GBP2: variants seen among roughly 807,000 people sequenced by gnomAD.
GBP2 encodes guanylate binding protein 2.
Under a neutral mutation model 60.8 loss-of-function variants are expected in GBP2, and 54 were observed. That is an observed-to-expected ratio of 0.89 (90% CI 0.71 to 1.11). GBP2 has a LOEUF of 1.11. Among genes scored for constraint, GBP2 ranks in the 50% most tolerant of loss-of-function variants. The pLI, the probability that GBP2 is intolerant of heterozygous loss-of-function variation, is 0.00. For missense variants in GBP2, 665 were observed against 703.3 expected (o/e 0.95, Z 0.62); for synonymous variants, 243 against 256.5 (o/e 0.95, Z 0.50).
Position 89,121,288 on chromosome 1 carries a change from A to G in GBP2, c.191-18T>C, listed in dbSNP as rs765264183. The G allele has an allele frequency of 8.2e-6, 13 of 1,579,560 alleles. No homozygotes were observed. The South Asian group carries it at 1.3e-4, about 16-fold the overall frequency. Reference sequence around the variant, plus strand: ...AGAGAAGCCTGTAGAAGGAGAGGATAAAAGGGAAAAGAAATTACTTAGTAG... The same window carrying G: ...AGAGAAGCCTGTAGAAGGAGAGGATGAAAGGGAAAAGAAATTACTTAGTAG... On this transcript the variant is annotated intron_variant, in intron 2 of 10. Coordinates refer to ENST00000370466, the MANE Select transcript of GBP2 (RefSeq NM_004120.5).
rs143535292 is a variant in GBP2, at chr1:89,106,486, G to C, written c.*1689C>G. 1 of 152,130 alleles carries C rather than the reference G, an allele frequency of 6.6e-6. No homozygotes were observed. The highest frequency in any genetic ancestry group is 2.4e-5 in the African/African-American group (1 of 41,410). The allele number at this position is 152,130 out of a possible 1,614,324, so 9.4% of individuals were successfully genotyped here. A position where few individuals can be genotyped will look rare whatever the true frequency, so the allele number is the denominator to read the frequency against. ...ATAACTTAAAGAATATTAACAAAGT[G>C]CATGACATGAAACAACAGTGGAAAG... On this transcript the variant is annotated 3_prime_UTR_variant, in exon 11 of 11. Transcript: ENST00000370466.
At chr1:89,111,639 G>A (rs1376368837) in intron 8 of GBP2, among the ~76,000 whole-genome samples, 1 of 150,350 alleles carries the variant, frequency 6.7e-6, no homozygotes, top group Non-Finnish European at 1.5e-5. Flanking sequence ...ATGGGGTGGT[G>A]GGGGGAGGGA....
chr1:89,114,162 G>A lies in GBP2; in HGVS notation c.1003C>T (p.Gln335Ter). Residue 335 changes from glutamine (Q) to a stop codon, truncating the protein, a stop_gained, in exon 7 of 11, where the codon CAG (glutamine) becomes TAG (stop). Coordinates refer to ENST00000370466, the MANE Select transcript of GBP2 (RefSeq NM_004120.5). LOFTEE classifies it high-confidence loss of function. ...AVEKAIAHYE[Q>*]QMGQKVQLPT... The stretch of plus-strand genomic sequence containing the variant: ...AGCTGCACCTTCTGGCCCATCTGCT[G>A]TTCATAGTGGGCAATAGCCTTTTCC... The A allele has an allele frequency of 6.2e-7, 1 of 1,614,240 alleles. No individual in the cohort carries two copies. Among genetic ancestry groups the A allele is most frequent in the Non-Finnish European group, 8.5e-7 (1 of 1,180,040 alleles).
chr1:89,120,090 G>C (rs1681368880), intron 4 of GBP2, 89 bp downstream of exon 4: 1 of 872,050 alleles, frequency 1.1e-6, no homozygotes, highest in South Asian at 1.4e-5. Context: ...GAATTCTTCA[G>C]TACCTGTCTG....
At position 89,106,511 on chromosome 1, in the gene GBP2, G is replaced by A. The variant is rs1243772568; in HGVS notation, c.*1664C>T. 7 of 152,182 alleles carry A rather than the reference G, an allele frequency of 4.6e-5. No homozygotes were observed. Among genetic ancestry groups the A allele is most frequent in the Non-Finnish European group, 7.4e-5 (5 of 68,018 alleles). 9.4% of individuals were successfully genotyped at this position (152,182 alleles called of 1,614,324 possible). ...GCATGACATGAAACAACAGTGGAAA[G>A]ATTAAAACAACATTGAAAAATAATG... is the stretch of plus-strand genomic sequence containing the variant. On this transcript the variant is annotated 3_prime_UTR_variant, in exon 11 of 11. Transcript: ENST00000370466.
At chr1:89,111,041 A>G (rs1681155759) in intron 8 of GBP2, among the ~76,000 whole-genome samples, 1 of 152,234 alleles carries the variant, frequency 6.6e-6, no homozygotes, top group South Asian at 2.1e-4. Context: ...TATCAACAGA[A>G]TGGACAAAAA....
In GBP2 at chr1:89,116,951, G is replaced by T. The variant is rs762855111; in HGVS notation, c.868+41C>A. 7 of 1,607,884 alleles carry T rather than the reference G, an allele frequency of 4.4e-6. No homozygotes were observed. The African/African-American group carries it at 9.4e-5, about 22-fold the overall frequency. On this transcript the variant is annotated intron_variant, in intron 6 of 10. Coordinates refer to ENST00000370466, the MANE Select transcript of GBP2 (RefSeq NM_004120.5). Reference sequence around the variant, plus strand: ...TTTTATCCTCTACAATGGGCAGAAGGAGAAAGTCCAGGTAGGAAGTGGGTA... The same window carrying T: ...TTTTATCCTCTACAATGGGCAGAAGTAGAAAGTCCAGGTAGGAAGTGGGTA...
chr1:89,112,550 T>C lies in GBP2; in HGVS notation c.1284A>G (p.Pro428=). The part of the protein sequence containing the change: ...EDVKQGTFSK[P]GGYRLFTQKL... ...TCTGAGTAAAGAGACGGTAACCTCC[T>C]GGTTTAGAAAATGTTCCCTGCTTGA... The change falls in exon 8 of 11, where the codon CCA becomes CCG. Residue 428 remains proline, a synonymous_variant. Transcript: ENST00000370466. 7 of 1,614,190 alleles carry C rather than the reference T, an allele frequency of 4.3e-6. No homozygotes were observed. Among genetic ancestry groups the C allele is most frequent in the Non-Finnish European group, 5.9e-6 (7 of 1,180,026 alleles).
chr1:89,112,522 G>A lies in GBP2; in HGVS notation c.1312C>T (p.Leu438=). The change falls in exon 8 of 11, where the codon CTG becomes TTG. Residue 438 remains leucine, a synonymous_variant. Coordinates refer to ENST00000370466, the MANE Select transcript of GBP2 (RefSeq NM_004120.5). ...TAGTACTTATTCTTCAGCTCCTGCA[G>A]CTTCTGAGTAAAGAGACGGTAACCT... is the stretch of plus-strand genomic sequence containing the variant. ...PGGYRLFTQK[L]QELKNKYYQV... is the part of the protein sequence containing the mutation. 3 of 1,614,144 alleles carry A rather than the reference G, an allele frequency of 1.9e-6. No homozygotes were observed. Among genetic ancestry groups the A allele is most frequent in the Non-Finnish European group, 2.5e-6 (3 of 1,180,022 alleles).
chr1:89,109,718 A>T lies in GBP2; in HGVS notation c.1618T>A (p.Leu540Ile). The T allele has an allele frequency of 6.2e-7, 1 of 1,614,058 alleles. No individual in the cohort carries two copies. Among genetic ancestry groups the T allele is most frequent in the Non-Finnish European group, 8.5e-7 (1 of 1,180,000 alleles). ...AGGGTCTTCTCTTGCTCTGCCATTA[A>T]CTGGGCCCTGTCCCTCTCCATCTTC... ...TEKMERDRAQ[L>I]MAEQEKTLAL... The change falls in exon 10 of 11, where the codon TTA becomes ATA. Residue 540 changes from leucine to isoleucine, a missense_variant. Physicochemically the swap from Leu to Ile is conservative, Grantham distance 5. Coordinates refer to ENST00000370466, the MANE Select transcript of GBP2 (RefSeq NM_004120.5).
rs779635302 is a variant in GBP2, at chr1:89,120,427, A to AT, written c.319-140dup. On this transcript the variant is annotated intron_variant, in intron 3 of 10. Transcript: ENST00000370466. ...TAGGTAACTCACTTCCTTATGCAGT[A>AT]TTTTTTTCTACCTGTAGAACAAATT... 2.5e-4 allele frequency: 164 copies of AT among 668,774 alleles called. 11 individuals are homozygous for AT. Among genetic ancestry groups the AT allele is most frequent in the Admixed American group, 4.5e-4 (16 of 35,368 alleles). The allele number at this position is 668,774 out of a possible 1,614,324, so 41.4% of individuals were successfully genotyped here.
Position 89,121,822 on chromosome 1 carries a change from T to G in GBP2, c.145A>C (p.Thr49Pro). 6.2e-7 allele frequency: 1 copy of G among 1,614,086 alleles called. No individual in the cohort carries two copies. The highest frequency in any genetic ancestry group is 8.5e-7 in the Non-Finnish European group (1 of 1,179,970). Residue 49 changes from threonine to proline, a missense_variant, in exon 2 of 11, where the codon ACA becomes CCA. Transcript: ENST00000370466. The part of the protein sequence containing the change: ...VVVAIVGLYR[T>P]GKSYLMNKLA... ...TTGTTCATCAGGTAGGATTTGCCTG[T>G]GCGATAGAGGCCCACAATCGCCACC...
Position 89,121,237 on chromosome 1 carries a change from G to A in GBP2, c.224C>T (p.Thr75Ile), listed in dbSNP as rs1436713544. Residue 75 changes from threonine to isoleucine, a missense_variant, in exon 3 of 11, where the codon ACC (threonine) becomes ATC (isoleucine). Coordinates refer to ENST00000370466, the MANE Select transcript of GBP2 (RefSeq NM_004120.5). ...CACACACCACATCCAGATTCCCTTG[G>A]TGTGAGACTTCACTGTGGAGCCTAG... ...FSLGSTVKSH[T>I]KGIWMWCVPH... The A allele has an allele frequency of 1.2e-6, 2 of 1,611,452 alleles. No homozygotes were observed. The highest frequency in any genetic ancestry group is 2.2e-5 in the South Asian group (2 of 90,884).
chr1:89,109,653 A>C, intron 10 of GBP2, 24 bp downstream of exon 10: 1 of 1,606,558 alleles, frequency 6.2e-7, no homozygotes, highest in Non-Finnish European at 8.5e-7. Context: ...TGGAAGAGAA[A>C]ATTGAGATGA....
In GBP2 at chr1:89,114,629, A is replaced by T. The variant is rs945170852; in HGVS notation, c.869-333T>A. Among the ~76,000 whole-genome samples, 12 of 152,326 alleles carry T rather than the reference A, an allele frequency of 7.9e-5. No individual in the cohort carries two copies. In the South Asian group the frequency reaches 1.4e-3, roughly 18 times the overall value. On this transcript the variant is annotated intron_variant, in intron 6 of 10. Coordinates refer to ENST00000370466, the MANE Select transcript of GBP2 (RefSeq NM_004120.5). ...TAATTTATGAAAAAAGTCAATGAGAAAACTTAGCCTTTTTATTTTTATTAA... is the reference window on the plus strand; with the variant it reads ...TAATTTATGAAAAAAGTCAATGAGATAACTTAGCCTTTTTATTTTTATTAA...
At chr1:89,114,696 C>T (rs1462087076) in intron 6 of GBP2, among the ~76,000 whole-genome samples, 2 of 152,094 alleles carry the variant, frequency 1.3e-5, no homozygotes, top group Non-Finnish European at 2.9e-5. Context: ...TGGTGTCTGG[C>T]TTAGGTAAAT....
chr1:89,106,661 C>A lies in GBP2; in HGVS notation c.*1514G>T, dbSNP rs1306505888. 2 of 152,154 alleles carry A rather than the reference C, an allele frequency of 1.3e-5. No individual in the cohort carries two copies. Among genetic ancestry groups the A allele is most frequent in the African/African-American group, 4.8e-5 (2 of 41,424 alleles). 9.4% of individuals were successfully genotyped at this position (152,154 alleles called of 1,614,324 possible). ...TGGAAAAACTGGTTGACTAAACATACAGGAAAATTTCCCACGTTATTAGTT... is the reference window on the plus strand; with the variant it reads ...TGGAAAAACTGGTTGACTAAACATAAAGGAAAATTTCCCACGTTATTAGTT... On this transcript the variant is annotated 3_prime_UTR_variant, in exon 11 of 11. Transcript: ENST00000370466.
At chr1:89,108,511 G>A (rs570555345) in intron 10 of GBP2, among the ~76,000 whole-genome samples, 2 of 151,922 alleles carry the variant, frequency 1.3e-5, no homozygotes, top group African/African-American at 4.8e-5. Flanking sequence ...TTATTCCTTG[G>A]TCCCTTCACC....
intron 9 of GBP2, 106 bp from the exon 10 acceptor site, chr1:89,109,976 C>G: frequency 1.7e-6 from 2 of 1,186,728 alleles, no homozygotes; most frequent in South Asian, 3.1e-5. Flanking sequence ...ATTGAGAAAA[C>G]TTCTTGTAAT....
Sources: allele counts gnomAD v4.1 joint callset (sites outside exome capture counted in the v4.1 genomes callset), GRCh38; gene constraint gnomAD v4.1.1; transcripts MANE v1.5; gene names NCBI Gene and HGNC (gene_info 2026-07-23, HGNC 2026-07-21).